Variants in LRRK1 observed in about 807,000 individuals in gnomAD.
The protein encoded by LRRK1 is leucine-rich repeat serine/threonine-protein kinase 1.
A neutral mutation model predicts 209.1 loss-of-function variants in LRRK1; 113 were observed. That is an observed-to-expected ratio of 0.54 (90% CI 0.46 to 0.63). The LOEUF (loss-of-function observed/expected upper bound fraction) is 0.63. Ranked by LOEUF, LRRK1 falls within the 30% of genes least tolerant of loss-of-function variation. LRRK1 has a pLI of 0.00. For synonymous variants in LRRK1, 1,144 were observed against 1,099.7 expected (o/e 1.04, Z -0.80); for missense variants, 2,284 against 2,632.2 (o/e 0.87, Z 2.89).
intron 2 of LRRK1, among the ~76,000 whole-genome samples, chr15:100,946,382 G>A (rs1302702470): frequency 2.6e-5 from 4 of 151,482 alleles, no homozygotes; most frequent in African/African-American, 9.7e-5. Flanking sequence ...AATGACTGGG[G>A]TTGGAGACTA....
intron 2 of LRRK1, among the ~76,000 whole-genome samples, chr15:100,937,509 ATGTT>A (rs1258495456): frequency 1.3e-5 from 2 of 149,644 alleles, no homozygotes; most frequent in Non-Finnish European, 3.0e-5. Flanking sequence ...TTTTTTTAAA[ATGTT>A]TATTTATTTA....
intron 20 of LRRK1, among the ~76,000 whole-genome samples, chr15:101,042,953 C>T (rs925796909): frequency 6.6e-6 from 1 of 152,196 alleles, no homozygotes; most frequent in African/African-American, 2.4e-5. Flanking sequence ...GCTGGGGGAG[C>T]ACACGAGGGG....
At chr15:100,963,118 C>T (rs1030179748) in intron 2 of LRRK1, among the ~76,000 whole-genome samples, 4 of 151,764 alleles carry the variant, frequency 2.6e-5, no homozygotes, top group South Asian at 4.2e-4. Context: ...CCACCACGCC[C>T]AGCCCATTTT....
At chr15:100,977,207 AG>A (rs960418899) in intron 3 of LRRK1, among the ~76,000 whole-genome samples, 33 of 144,276 alleles carry the variant, frequency 2.3e-4, no homozygotes, top group African/African-American at 8.4e-4. Context: ...AAAAATTCCA[AG>A]GAAAGCCTGC....
intron 20 of LRRK1, among the ~76,000 whole-genome samples, chr15:101,042,748 A>T (rs1053019757): frequency 4.6e-5 from 7 of 151,600 alleles, no homozygotes; most frequent in Admixed American, 4.6e-4. Context: ...ATTTGTGCAG[A>T]CTCTTTATGA....
intron 6 of LRRK1, among the ~76,000 whole-genome samples, chr15:101,005,495 G>C (rs1288594140): frequency 6.6e-6 from 1 of 152,246 alleles, no homozygotes; most frequent in African/African-American, 2.4e-5. Flanking sequence ...GGAGGCATCA[G>C]AACACACTCA....
At chr15:100,956,517 G>A (rs186598396) in intron 2 of LRRK1, among the ~76,000 whole-genome samples, 48 of 133,746 alleles carry the variant, frequency 3.6e-4, no homozygotes, top group Non-Finnish European at 6.1e-4. Flanking sequence ...GAGGGCTGGA[G>A]TGCAGTGGCA....
At chr15:101,057,818 G>A (rs568070045) in intron 28 of LRRK1, among the ~76,000 whole-genome samples, 172 bp from the exon 29 acceptor site, 2 of 152,354 alleles carry the variant, frequency 1.3e-5, no homozygotes, top group African/African-American at 4.8e-5. Context: ...CAGATACCTG[G>A]ATGGGTTTGC....
At chr15:101,056,025 AT>A (rs1397208501) in intron 27 of LRRK1, among the ~76,000 whole-genome samples, 1 of 152,270 alleles carries the variant, frequency 6.6e-6, no homozygotes, top group African/African-American at 2.4e-5. Flanking sequence ...AGCAACAAAA[AT>A]AAGAGCTTCA....
intron 2 of LRRK1, among the ~76,000 whole-genome samples, chr15:100,936,075 C>T (rs1042000352): frequency 3.3e-5 from 5 of 152,208 alleles, no homozygotes; most frequent in African/African-American, 1.2e-4. Context: ...AGGAAATAGA[C>T]TCTACCTCCT....
Position 101,075,469 on chromosome 15 carries a change from A to T in LRRK1, c.*6621A>T, listed in dbSNP as rs1283473138. The T allele has an allele frequency of 8.1e-6, 1 of 122,886 alleles. No individual in the cohort carries two copies. The highest frequency in any genetic ancestry group is 1.6e-5 in the Non-Finnish European group (1 of 61,788). 7.6% of individuals were successfully genotyped at this position (122,886 alleles called of 1,614,324 possible). A position where few individuals can be genotyped will look rare whatever the true frequency, so the allele number is the denominator to read the frequency against. On this transcript the variant is annotated 3_prime_UTR_variant, in exon 34 of 34. Coordinates refer to ENST00000388948, the MANE Select transcript of LRRK1 (RefSeq NM_024652.6). ...ACCTCTACTCCCTCCTTGGTGACCG[A>T]TCATGCACCCCTTACCATCTCATCG...
intron 6 of LRRK1, among the ~76,000 whole-genome samples, chr15:100,998,902 A>AGATG (rs2032557971): frequency 6.6e-6 from 1 of 152,166 alleles, no homozygotes; most frequent in Non-Finnish European, 1.5e-5. Context: ...GTGGGTGGAT[A>AGATG]GATGGATGGA....
At chr15:101,066,348 A>G in intron 32 of LRRK1, 143 bp downstream of exon 32, 1 of 1,200,158 alleles carries the variant, frequency 8.3e-7, no homozygotes, top group Middle Eastern at 2.9e-4. Flanking sequence ...GGTTTCCTCC[A>G]TTGGGAATGG....
At position 101,022,759 on chromosome 15, in the gene LRRK1, A is replaced by T. The variant is rs1229103347; in HGVS notation, c.2067+162A>T. Among the ~76,000 whole-genome samples, 1 of 152,174 alleles carries T rather than the reference A, an allele frequency of 6.6e-6. No individual in the cohort carries two copies. The highest frequency in any genetic ancestry group is 1.5e-5 in the Non-Finnish European group (1 of 68,028). On this transcript the variant is annotated intron_variant, in intron 15 of 33. Transcript: ENST00000388948. This position sits in a 1 kb window ranked among gnomAD's most constrained non-coding sequence, Gnocchi z 4.0. ...TACCATTCCATACCAGCTTCTGCCAAGAGCAGCGAATCATTTCTTAATGTG... is the reference window on the plus strand; with the variant it reads ...TACCATTCCATACCAGCTTCTGCCATGAGCAGCGAATCATTTCTTAATGTG...
At chr15:101,014,735 C>A (rs916452414) in intron 11 of LRRK1, among the ~76,000 whole-genome samples, 5 of 152,172 alleles carry the variant, frequency 3.3e-5, no homozygotes, top group Admixed American at 3.3e-4. Flanking sequence ...ATAAGGACAC[C>A]AGTCGGATTG....
At chr15:101,039,209 A>C (rs1348130624) in intron 20 of LRRK1, among the ~76,000 whole-genome samples, 1 of 152,256 alleles carries the variant, frequency 6.6e-6, no homozygotes, top group Non-Finnish European at 1.5e-5. Flanking sequence ...AAGAAAGCTG[A>C]CATCTTAGAA....
chr15:101,048,496 T>G lies in LRRK1; in HGVS notation c.3138T>G (p.Leu1046=), dbSNP rs2035212973. The G allele has an allele frequency of 6.2e-7, 1 of 1,602,212 alleles. No individual in the cohort carries two copies. Among genetic ancestry groups the G allele is most frequent in the Non-Finnish European group, 8.5e-7 (1 of 1,176,306 alleles). The change falls in exon 22 of 34, where the codon CTT becomes CTG. Residue 1046 remains leucine, a splice_region_variant and synonymous_variant. Transcript: ENST00000388948. ...LISLAEMDLQ[L]FENKKNTKSR... ...AGGGTCTTTTCTCTGTCTTTCAGCT[T>G]TTTGAAAACAAGAAGAATACTAAAA... is the stretch of plus-strand genomic sequence containing the variant.
chr15:101,062,742 T>TCCTAGGCGTGGA, intron 31 of LRRK1, 52 bp downstream of exon 31: 4 of 1,316,928 alleles, frequency 3.0e-6, no homozygotes, highest in Non-Finnish European at 4.4e-6. Context: ...CTTCCACGCC[T>TCCTAGGCGTGGA]AGGAGGCGTC....
At chr15:101,009,166 G>A (rs2033120804) in intron 7 of LRRK1, 103 bp downstream of exon 7, 4 of 915,564 alleles carry the variant, frequency 4.4e-6, no homozygotes, top group Admixed American at 2.4e-5. Context: ...GGGGAAAAAT[G>A]TTCTGGCTAA....
Sources: gnomAD v4.1 joint callset for allele counts (sites outside exome capture counted in the v4.1 genomes callset) on GRCh38, gnomAD v4.1.1 for gene constraint, Gnocchi (gnomAD v3.1) non-coding constraint, MANE v1.5 for transcripts, NCBI Gene and HGNC (gene_info 2026-07-23, HGNC 2026-07-21) for gene names.